Variants in FHL3 observed in about 807,000 individuals in gnomAD.
FHL3 encodes four and a half LIM domains 3, also known as four and a half LIM domains protein 3.
Under a neutral mutation model 34.3 loss-of-function variants are expected in FHL3, and 21 were observed. The observed-to-expected ratio is 0.61, with a 90% CI of 0.43 to 0.88. The LOEUF is 0.88. FHL3 is among the 40% of genes least tolerant of loss of function. The pLI is 0.00. For missense variants in FHL3, 333 were observed against 373.7 expected, an observed-to-expected ratio of 0.89 and a Z score of 0.90; for synonymous variants, 137 against 144.6, an observed-to-expected ratio of 0.95 and a Z score of 0.38.
At chr1:38,000,497 T>G (rs1034644621) in intron 1 of FHL3, among the ~76,000 whole-genome samples, 1 of 152,020 alleles carries the variant, frequency 6.6e-6, no homozygotes, top group Non-Finnish European at 1.5e-5. Flanking sequence ...CTGAAGACAT[T>G]TTCTCCCCAA....
chr1:38,004,136 C>A (rs1210631291), intron 1 of FHL3, among the ~76,000 whole-genome samples: 1 of 152,184 alleles, frequency 6.6e-6, no homozygotes, highest in Non-Finnish European at 1.5e-5. Flanking sequence ...TGCTCTCCCC[C>A]ATGTGGCCTG....
At chr1:38,005,036 G>A (rs1646629489) in intron 1 of FHL3, among the ~76,000 whole-genome samples, 1 of 152,118 alleles carries the variant, frequency 6.6e-6, no homozygotes, top group Non-Finnish European at 1.5e-5. Flanking sequence ...CGGGCTTTCC[G>A]AGAACCTCAG....
At chr1:38,002,983 AC>A in intron 1 of FHL3, among the ~76,000 whole-genome samples, 1 of 151,236 alleles carries the variant, frequency 6.6e-6, no homozygotes, top group Non-Finnish European at 1.5e-5. Flanking sequence ...CATGGTGAAA[AC>A]CCATCTCCAC....
intron 1 of FHL3, among the ~76,000 whole-genome samples, chr1:38,001,316 G>A (rs905872554): frequency 1.3e-5 from 2 of 152,250 alleles, no homozygotes; most frequent in Non-Finnish European, 2.9e-5. Flanking sequence ...GGGCAGCAGG[G>A]GGCCACACAG....
chr1:37,997,458 C>G lies in FHL3; in HGVS notation c.790G>C (p.Val264Leu). 6.2e-7 allele frequency: 1 copy of G among 1,614,056 alleles called. No homozygotes were observed. Among genetic ancestry groups the G allele is most frequent in the Non-Finnish European group, 8.5e-7 (1 of 1,179,978 alleles). The change falls in exon 6 of 6, where the codon GTA (valine) becomes CTA (leucine). Residue 264 changes from valine to leucine, a missense_variant. Val to Leu is a conservative substitution (Grantham distance 32). Coordinates refer to ENST00000373016, the MANE Select transcript of FHL3 (RefSeq NM_004468.5). This position sits in a 1 kb window ranked among gnomAD's most constrained non-coding sequence, Gnocchi z 4.3. ...CAGAGCACTTGGTCTCCATCCGGTA[C>G]GAAGCCCTGGCCCACCAGGGAGGTA... ...CSTSLVGQGFVPDGDQVLCQG... is the reference protein window; with the variant it reads ...CSTSLVGQGFLPDGDQVLCQG...
At position 37,997,955 on chromosome 1, in the gene FHL3, G is replaced by GCC; in HGVS notation, c.501+6_501+7dup. 6.2e-7 allele frequency: 1 copy of GCC among 1,613,710 alleles called. No individual in the cohort carries two copies. Among genetic ancestry groups the GCC allele is most frequent in the Non-Finnish European group, 8.5e-7 (1 of 1,179,850 alleles). ...CACTCACCCCCACCTGGCTGGCCCA[G>GCC]CCCCCACCTTGCTGCAGCGGGCGCA... On this transcript the variant is annotated splice_region_variant and intron_variant, in intron 4 of 5. Transcript: ENST00000373016. The surrounding 1 kb of genome is among the most constrained non-coding windows in gnomAD (Gnocchi z 4.3).
chr1:38,003,506 C>T (rs1414167642), intron 1 of FHL3, among the ~76,000 whole-genome samples: 3 of 152,138 alleles, frequency 2.0e-5, no homozygotes, highest in East Asian at 1.9e-4. Flanking sequence ...GGAAAGTGGT[C>T]GCTTCAGTCC....
rs1190668240 is a variant in FHL3, at chr1:37,997,392, C to T, written c.*13G>A. ...CCCGTGGTATGGGAAAGCCTGGGTC[C>T]AGGAGCCCTGGCTTAGGGCCCTGCC... On this transcript the variant is annotated 3_prime_UTR_variant, in exon 6 of 6. Coordinates refer to ENST00000373016, the MANE Select transcript of FHL3 (RefSeq NM_004468.5). The surrounding 1 kb of genome is among the most constrained non-coding windows in gnomAD (Gnocchi z 4.3). 2 of 1,612,270 alleles carry T rather than the reference C, an allele frequency of 1.2e-6. No individual in the cohort carries two copies. Among genetic ancestry groups the T allele is most frequent in the Non-Finnish European group, 8.5e-7 (1 of 1,179,228 alleles).
intron 2 of FHL3, 25 bp from the exon 3 acceptor site, chr1:37,999,173 TGGCACCCA>T: frequency 6.2e-7 from 1 of 1,613,986 alleles, no homozygotes; most frequent in Non-Finnish European, 8.5e-7. Context: ...GCAGGGGCAC[TGGCACCCA>T]GGCCTCATGG....
chr1:38,004,796 A>G (rs971165667), intron 1 of FHL3, among the ~76,000 whole-genome samples: 4 of 152,150 alleles, frequency 2.6e-5, no homozygotes, highest in Non-Finnish European at 5.9e-5. Flanking sequence ...CATGAGGCCA[A>G]TGACGCCCAA....
intron 1 of FHL3, 33 bp from the exon 2 acceptor site, chr1:37,999,465 A>C: frequency 6.2e-7 from 1 of 1,601,430 alleles, no homozygotes; most frequent in East Asian, 2.2e-5. Context: ...CTGGGGTCAC[A>C]CAGAGAGGCT....
chr1:37,999,330 C>G lies in FHL3; in HGVS notation c.83G>C (p.Cys28Ser), dbSNP rs748909527. 1 of 1,614,256 alleles carries G rather than the reference C, an allele frequency of 6.2e-7. No homozygotes were observed. The highest frequency in any genetic ancestry group is 1.1e-5 in the South Asian group (1 of 91,086). ...KYIQTDSGPY[C>S]VPCYDNTFAN... is the part of the protein sequence containing the mutation. ...AAAGGTATTGTCATAGCAGGGCACA[C>G]AGTAGGGGCCGCTGTCTGTCTGGAT... is the stretch of plus-strand genomic sequence containing the variant. The change falls in exon 2 of 6, where the codon TGT (cysteine) becomes TCT (serine). Residue 28 changes from cysteine to serine, a missense_variant. By Grantham distance (112) the Cys-to-Ser change is moderately radical (BLOSUM62 -1). Transcript: ENST00000373016.
At position 38,001,179 on chromosome 1, in the gene FHL3, G is replaced by A. The variant is rs566069659; in HGVS notation, c.-20-1747C>T. ...GCCACCAGGGGCCAGGGTCTTTAGAGCTGGAACTCCTGGGCTGGGGGCTAT... is the reference window on the plus strand; with the variant it reads ...GCCACCAGGGGCCAGGGTCTTTAGAACTGGAACTCCTGGGCTGGGGGCTAT... On this transcript the variant is annotated intron_variant, in intron 1 of 5. Coordinates refer to ENST00000373016, the MANE Select transcript of FHL3 (RefSeq NM_004468.5). 3.3e-5 allele frequency among the ~76,000 whole-genome samples: 5 copies of A among 152,378 alleles called. No individual in the cohort carries two copies. The South Asian group carries it at 8.3e-4, about 25-fold the overall frequency.
At chr1:38,002,186 C>T (rs1255127372) in intron 1 of FHL3, among the ~76,000 whole-genome samples, 3 of 151,890 alleles carry the variant, frequency 2.0e-5, no homozygotes, top group African/African-American at 7.3e-5. Context: ...GCAACCTCCA[C>T]CTCCCGGGTT....
intron 1 of FHL3, among the ~76,000 whole-genome samples, chr1:38,002,929 C>T (rs1006706989): frequency 1.3e-5 from 2 of 151,676 alleles, no homozygotes; most frequent in African/African-American, 4.8e-5. Flanking sequence ...AGGTTAAGGC[C>T]GGTGGATCAC....
In FHL3 at chr1:38,001,005, C is replaced by T. The variant is rs1208087737; in HGVS notation, c.-20-1573G>A. On this transcript the variant is annotated intron_variant, in intron 1 of 5. Transcript: ENST00000373016. ...CTCCTTTTCTCATCCACCCCCAGTG[C>T]GAAATTCTTGACAACAAGCGCTGCT... Among the ~76,000 whole-genome samples, 11 of 152,280 alleles carry T rather than the reference C, an allele frequency of 7.2e-5. No individual in the cohort carries two copies. In the South Asian group the frequency reaches 1.9e-3, roughly 26 times the overall value.
rs745727880 is a variant in FHL3, at chr1:37,998,118, C to G, written c.346G>C (p.Glu116Gln). Residue 116 changes from glutamate (E) to glutamine (Q), a missense_variant, in exon 4 of 6, where the codon GAA becomes CAA. Coordinates refer to ENST00000373016, the MANE Select transcript of FHL3 (RefSeq NM_004468.5). ...TCATGCCATGTCTGGCCTCCATATT[C>G]CAGCTTCCGGGACCCTGTGGGGAAC... ...ETVMPGSRKL[E>Q]YGGQTWHEHC... 1.9e-6 allele frequency: 3 copies of G among 1,614,002 alleles called. No individual in the cohort carries two copies. The highest frequency in any genetic ancestry group is 1.1e-5 in the South Asian group (1 of 91,076).
chr1:37,997,720 CA>C lies in FHL3; in HGVS notation c.651del (p.Phe217LeufsTer13). 1 of 1,614,150 alleles carries C rather than the reference CA, an allele frequency of 6.2e-7. No homozygotes were observed. The highest frequency in any genetic ancestry group is 8.5e-7 in the Non-Finnish European group (1 of 1,180,008). On this transcript the variant is annotated frameshift_variant, in exon 5 of 6. Coordinates refer to ENST00000373016, the MANE Select transcript of FHL3 (RefSeq NM_004468.5). LOFTEE classifies it high-confidence loss of function. The surrounding 1 kb of genome is among the most constrained non-coding windows in gnomAD (Gnocchi z 4.3). ...CGCTTGCAGCTGCTGCACTTAGGTG[CA>C]AAGAGTTCTCCAAAACAGGCCACAC... ...PYCVACFGEL[F>X]APKCSSCKRP... is the part of the protein sequence containing the mutation.
At position 37,997,410 on chromosome 1, in the gene FHL3, G is replaced by C. The variant is rs1646544953; in HGVS notation, c.838C>G (p.Pro280Ala). 6.2e-7 allele frequency: 1 copy of C among 1,613,594 alleles called. No individual in the cohort carries two copies. The highest frequency in any genetic ancestry group is 1.3e-5 in the African/African-American group (1 of 74,880). The change falls in exon 6 of 6, where the codon CCC becomes GCC. Residue 280 changes from proline to alanine, a missense_variant. Physicochemically the swap from Pro to Ala is conservative, Grantham distance 27. Transcript: ENST00000373016. The surrounding 1 kb of genome is among the most constrained non-coding windows in gnomAD (Gnocchi z 4.3). ...CTGGGTCCAGGAGCCCTGGCTTAGG[G>C]CCCTGCCTGGCTACAGCCCTGGCAG... Reference protein sequence around the residue: ...VLCQGCSQAGP With the variant: ...VLCQGCSQAGA
Sources: allele counts gnomAD v4.1 joint callset (sites outside exome capture counted in the v4.1 genomes callset), GRCh38; gene constraint gnomAD v4.1.1; non-coding constraint Gnocchi (gnomAD v3.1); transcripts MANE v1.5; gene names NCBI Gene and HGNC (gene_info 2026-07-23, HGNC 2026-07-21).